The following HDAC2 variants were observed in gnomAD, a reference collection of about 807,000 sequenced individuals.
HDAC2 encodes the protein YY1-associated factor 1.
HDAC2 carries 5 observed loss-of-function variants against 68.5 expected under a neutral mutation model. The observed-to-expected ratio is 0.07, with a 90% CI of 0.04 to 0.15. The LOEUF (loss-of-function observed/expected upper bound fraction) is 0.15, where lower values mean the gene tolerates loss of function less well. Ranked by LOEUF, HDAC2 falls within the 10% of genes least tolerant of loss-of-function variation. The pLI, the probability that HDAC2 is intolerant of heterozygous loss-of-function variation, is 1.00. For synonymous variants in HDAC2, 182 were observed against 191.3 expected (o/e 0.95, Z 0.40); for missense variants, 291 against 600.8 (o/e 0.48, Z 5.39).
chr6:113,940,937 A>T lies in HDAC2; in HGVS notation c.*121T>A. On this transcript the variant is annotated 3_prime_UTR_variant, in exon 14 of 14. Transcript: ENST00000519065. ...AAAACAAAAACGAAAAAGCCATTTG[A>T]AAATAAATACAGTCCATGCCAAAGT... 1.5e-6 allele frequency: 1 copy of T among 663,588 alleles called. No homozygotes were observed. Among genetic ancestry groups the T allele is most frequent in the Non-Finnish European group, 2.4e-6 (1 of 413,420 alleles). 41.1% of individuals were successfully genotyped at this position (663,588 alleles called of 1,614,324 possible).
intron 1 of HDAC2, chr6:113,970,330 G>A (rs1776953232): frequency 5.0e-6 from 2 of 397,636 alleles, no homozygotes; most frequent in African/African-American, 2.2e-5. Context: ...CAGGGTAGGG[G>A]AGGCGAGCAG....
intron 1 of HDAC2, among the ~76,000 whole-genome samples, chr6:113,966,966 C>T (rs1051684783): frequency 9.2e-5 from 14 of 152,214 alleles, no homozygotes; most frequent in African/African-American, 3.4e-4. Context: ...ACCTATTTCA[C>T]GGATAATAAA....
At chr6:113,954,381 C>T (rs759218548) in intron 5 of HDAC2, among the ~76,000 whole-genome samples, 3 of 152,064 alleles carry the variant, frequency 2.0e-5, no homozygotes, top group Non-Finnish European at 2.9e-5. Flanking sequence ...AGCAAAATTT[C>T]TTCACAAAAT....
In HDAC2 at chr6:113,941,633, CACAA is replaced by C. The variant is rs1776136784; in HGVS notation, c.1436+71_1436+74del. The C allele has an allele frequency of 1.1e-5, 6 of 568,324 alleles. No individual in the cohort carries two copies. The South Asian group carries it at 1.9e-4, about 18-fold the overall frequency. The allele number at this position is 568,324 out of a possible 1,614,324, so 35.2% of individuals were successfully genotyped here. On this transcript the variant is annotated intron_variant, in intron 13 of 13. Coordinates refer to ENST00000519065, the MANE Select transcript of HDAC2 (RefSeq NM_001527.4). ...CAGTCTAGTATTTCTGAAGTGTGTA[CACAA>C]ACACACACCAATAAACATGTTTAGT...
rs1217769567 is a variant in HDAC2, at chr6:113,937,219, T to A, written c.*3839A>T. The A allele has an allele frequency of 6.6e-6, 1 of 152,184 alleles. No individual in the cohort carries two copies. The allele number at this position is 152,184 out of a possible 1,614,324, so 9.4% of individuals were successfully genotyped here. The stretch of plus-strand genomic sequence containing the variant: ...AAAGCCCTTATCATTTATATCACAA[T>A]ATGAATAACAAATATTATGAATCGC... On this transcript the variant is annotated 3_prime_UTR_variant, in exon 14 of 14. Transcript: ENST00000519065.
chr6:113,955,339 G>A (rs906804818), intron 5 of HDAC2, among the ~76,000 whole-genome samples: 1 of 151,720 alleles, frequency 6.6e-6, no homozygotes, highest in Non-Finnish European at 1.5e-5. Context: ...TCAGCCTCCT[G>A]AGTAGCTGGG....
intron 8 of HDAC2, chr6:113,948,378 CAAG>C (rs1419558281): frequency 6.6e-6 from 1 of 152,030 alleles, no homozygotes; most frequent in African/African-American, 2.4e-5. Flanking sequence ...GGCTGTTTTT[CAAG>C]AAGGTGAAAG....
In HDAC2 at chr6:113,949,187, T is replaced by C; in HGVS notation, c.713A>G (p.Tyr238Cys). ...PMRDGIDDESYGQIFKPIISK... is the reference protein window; with the variant it reads ...PMRDGIDDESCGQIFKPIISK... ...ACTTACAGGCTTAAATATCTGCCCA[T>C]ATGACTCATCATCTATACCATCTCT... The change falls in exon 7 of 14, where the codon TAT becomes TGT. Residue 238 changes from tyrosine (Y) to cysteine (C), a missense_variant. By Grantham distance (194) the Tyr-to-Cys change is radical. Around this residue, in one of 2 missense-constraint regions of HDAC2, gnomAD observed 154 missense variants for 472.1 expected, o/e 0.33. Transcript: ENST00000519065. The C allele has an allele frequency of 6.2e-7, 1 of 1,609,126 alleles. No individual in the cohort carries two copies. Among genetic ancestry groups the C allele is most frequent in the South Asian group, 1.1e-5 (1 of 90,988 alleles).
At chr6:113,956,273 A>G (rs1182181307) in intron 4 of HDAC2, 122 bp from the exon 5 acceptor site, 2 of 813,378 alleles carry the variant, frequency 2.5e-6, no homozygotes, top group African/African-American at 3.4e-5. Context: ...GAAAGTTAAC[A>G]GAAATCATCT....
intron 11 of HDAC2, 50 bp from the exon 12 acceptor site, chr6:113,943,556 T>C (rs1349109813): frequency 4.1e-6 from 6 of 1,466,440 alleles, no homozygotes; most frequent in South Asian, 1.3e-5. Context: ...ACAGGTTTTA[T>C]AATCATTACA....
At chr6:113,960,168 A>C (rs1776647007) in intron 1 of HDAC2, 150 bp from the exon 2 acceptor site, 2 of 631,360 alleles carry the variant, frequency 3.2e-6, no homozygotes, top group East Asian at 2.9e-5. Context: ...TGCAACTTTC[A>C]AACTGTATCA....
At chr6:113,944,200 T>TA (rs1273811459) in intron 11 of HDAC2, 80 bp downstream of exon 11, 16 of 1,184,740 alleles carry the variant, frequency 1.4e-5, no homozygotes. Context: ...CATGACTTTA[T>TA]AGTGAAGTTC....
chr6:113,953,556 T>C (rs1001796207), intron 5 of HDAC2, 138 bp from the exon 6 acceptor site: 43 of 531,728 alleles, frequency 8.1e-5, no homozygotes, highest in Non-Finnish European at 1.6e-5. Flanking sequence ...GCCTAAGAGG[T>C]TATTCAAATA....
chr6:113,963,672 A>G (rs1427588186), intron 1 of HDAC2, among the ~76,000 whole-genome samples: 1 of 152,176 alleles, frequency 6.6e-6, no homozygotes, highest in Non-Finnish European at 1.5e-5. Flanking sequence ...ATATTGCAAA[A>G]CCTCCCCAAA....
chr6:113,957,939 T>C (rs1406377878), intron 3 of HDAC2, among the ~76,000 whole-genome samples: 1 of 152,188 alleles, frequency 6.6e-6, no homozygotes, highest in African/African-American at 2.4e-5. Flanking sequence ...TCTAGTTACA[T>C]TGTAGCATTA....
rs754914702 is a variant in HDAC2 at position 113,953,298 on chromosome 6, A to G, written c.618T>C (p.Phe206=). 12 of 1,611,012 alleles carry G rather than the reference A, an allele frequency of 7.4e-6. No homozygotes were observed. The highest frequency in any genetic ancestry group is 1.0e-5 in the Non-Finnish European group (12 of 1,177,940). The change falls in exon 6 of 14, where the codon TTT becomes TTC. Residue 206 remains phenylalanine (F), a synonymous_variant. Coordinates refer to ENST00000519065, the MANE Select transcript of HDAC2 (RefSeq NM_001527.4). ...TTACCCTCAAGTCTCCTGTGCCAGG[A>G]AAGTATTCCCCATATTTATGGAATG... is the stretch of plus-strand genomic sequence containing the variant. The part of the protein sequence containing the change: ...TVSFHKYGEY[F]PGTGDLRDIG...
rs1301182298 is a variant in HDAC2 at position 113,943,341 on chromosome 6, C to G, written c.1378+10G>C. On this transcript the variant is annotated intron_variant, in intron 12 of 13. Transcript: ENST00000519065. ...CAATTAAAACACAATTACCAAGAAA[C>G]AAATCTGACCTGTTTTTTTGTCCTC... 2 of 1,585,662 alleles carry G rather than the reference C, an allele frequency of 1.3e-6. No homozygotes were observed. The highest frequency in any genetic ancestry group is 4.5e-5 in the East Asian group (2 of 44,272).
chr6:113,946,005 T>G lies in HDAC2; in HGVS notation c.982+3A>C, dbSNP rs774173418. Reference sequence around the variant, plus strand: ...ATAAAGATATTGTAATGAGAACACTTACCATTGGGAATCTCACAATCAAGG... The same window carrying G: ...ATAAAGATATTGTAATGAGAACACTGACCATTGGGAATCTCACAATCAAGG... On this transcript the variant is annotated splice_donor_region_variant and intron_variant, in intron 9 of 13. Coordinates refer to ENST00000519065, the MANE Select transcript of HDAC2 (RefSeq NM_001527.4). The G allele has an allele frequency of 1.2e-6, 2 of 1,608,528 alleles. No individual in the cohort carries two copies. The highest frequency in any genetic ancestry group is 1.7e-6 in the Non-Finnish European group (2 of 1,175,174).
chr6:113,942,851 C>G (rs1776168715), intron 12 of HDAC2, among the ~76,000 whole-genome samples: 1 of 152,088 alleles, frequency 6.6e-6, no homozygotes, highest in African/African-American at 2.4e-5. Context: ...ACCCAGGTCC[C>G]AAATCCCCTC....
Sources: gnomAD v4.1 joint callset for allele counts (sites outside exome capture counted in the v4.1 genomes callset) on GRCh38, gnomAD v4.1.1 for gene constraint, gnomAD v4.1.1 regional missense constraint, MANE v1.5 for transcripts, NCBI Gene and HGNC (gene_info 2026-07-23, HGNC 2026-07-21) for gene names.